The following CUL1 variants were observed in gnomAD, a reference collection of about 807,000 sequenced individuals.
CUL1 encodes cullin 1.
A neutral mutation model predicts 118.0 loss-of-function variants in CUL1; 24 were observed. That is an observed-to-expected ratio of 0.20 (90% CI 0.15 to 0.29). The LOEUF is 0.29. Ranked by LOEUF, CUL1 falls within the 10% of genes least tolerant of loss-of-function variation. The pLI, the probability that CUL1 is intolerant of heterozygous loss-of-function variation, is 1.00. For synonymous variants in CUL1, 332 were observed against 340.4 expected (o/e 0.98, Z 0.27); for missense variants, 361 against 933.8 (o/e 0.39, Z 7.99).
chr7:148,713,400 C>G (rs765006016), intron 1 of CUL1, among the ~76,000 whole-genome samples: 1 of 152,138 alleles, frequency 6.6e-6, no homozygotes, highest in African/African-American at 2.4e-5. Flanking sequence ...CAATTTATAC[C>G]AGTGACGCTT....
intron 9 of CUL1, among the ~76,000 whole-genome samples, chr7:148,772,691 C>T (rs1321956960): frequency 6.6e-6 from 1 of 152,182 alleles, no homozygotes; most frequent in Non-Finnish European, 1.5e-5. Flanking sequence ...TAGTTTAGTG[C>T]CTACATTGCA....
chr7:148,748,801 T>C (rs1425947552), intron 2 of CUL1, among the ~76,000 whole-genome samples: 1 of 152,220 alleles, frequency 6.6e-6, no homozygotes, highest in Non-Finnish European at 1.5e-5. Flanking sequence ...AAAGATAACA[T>C]TCTCATGTTT....
intron 17 of CUL1, among the ~76,000 whole-genome samples, chr7:148,793,743 T>C (rs1001265064): frequency 6.6e-6 from 1 of 152,270 alleles, no homozygotes; most frequent in African/African-American, 2.4e-5. Context: ...TGTGAATACA[T>C]GTTTTCAATT....
At chr7:148,734,562 A>C (rs1254797670) in intron 2 of CUL1, among the ~76,000 whole-genome samples, 1 of 152,220 alleles carries the variant, frequency 6.6e-6, no homozygotes, top group Non-Finnish European at 1.5e-5. Flanking sequence ...TTGTGCAATA[A>C]AATACATAGA....
chr7:148,741,036 A>G (rs986168675), intron 2 of CUL1, among the ~76,000 whole-genome samples: 6 of 152,208 alleles, frequency 3.9e-5, no homozygotes, highest in African/African-American at 1.4e-4. Context: ...GCTTTCTTCC[A>G]TTTAGTATAA....
intron 1 of CUL1, among the ~76,000 whole-genome samples, chr7:148,719,536 G>A (rs925250696): frequency 1.1e-4 from 16 of 152,134 alleles, no homozygotes; most frequent in Admixed American, 7.2e-4. Context: ...AATCCTTCTT[G>A]GTAGATGTCC....
At chr7:148,712,499 G>A (rs894648852) in intron 1 of CUL1, among the ~76,000 whole-genome samples, 2 of 152,184 alleles carry the variant, frequency 1.3e-5, no homozygotes, top group African/African-American at 4.8e-5. Context: ...GTATTGTGGA[G>A]TTTTCAGGTA....
At chr7:148,798,977 G>A (rs992151756) in intron 20 of CUL1, among the ~76,000 whole-genome samples, 6 of 152,138 alleles carry the variant, frequency 3.9e-5, no homozygotes, top group East Asian at 1.9e-4. Context: ...GGCAGCTTCC[G>A]TGGCCTTGAA....
chr7:148,710,234 T>G lies in CUL1; in HGVS notation c.-162+11205T>G, dbSNP rs183041559. On this transcript the variant is annotated intron_variant, in intron 1 of 21. Coordinates refer to ENST00000325222, the MANE Select transcript of CUL1 (RefSeq NM_003592.3). ...CATGAGGGAAATTGACTAGAAAATT[T>G]TGTAACTACAAAGAAAGGTGCATCT... is the stretch of plus-strand genomic sequence containing the variant. 1.8e-3 allele frequency among the ~76,000 whole-genome samples: 275 copies of G among 152,250 alleles called. 1 individual carries two copies. The highest frequency in any genetic ancestry group is 3.4e-3 in the Middle Eastern group (1 of 294).
At chr7:148,723,773 A>G (rs1798472892) in intron 1 of CUL1, among the ~76,000 whole-genome samples, 1 of 149,534 alleles carries the variant, frequency 6.7e-6, no homozygotes, top group African/African-American at 2.4e-5. Context: ...AGAAGTCAGT[A>G]GGGGTCAGCA....
intron 17 of CUL1, among the ~76,000 whole-genome samples, chr7:148,796,553 T>C (rs902259229): frequency 6.6e-6 from 1 of 152,208 alleles, no homozygotes; most frequent in Non-Finnish European, 1.5e-5. Flanking sequence ...CAGATTCTAA[T>C]AACAAAATGA....
intron 17 of CUL1, among the ~76,000 whole-genome samples, chr7:148,796,952 T>C (rs3807449): frequency 0.16 from 24,602 of 152,156 alleles, 2,101 homozygotes; most frequent in East Asian, 0.24. Flanking sequence ...GTACCCATTA[T>C]GACGACAGGA....
intron 9 of CUL1, among the ~76,000 whole-genome samples, chr7:148,769,157 G>C (rs1204250345): frequency 2.6e-5 from 4 of 151,974 alleles, no homozygotes; most frequent in Non-Finnish European, 5.9e-5. Context: ...TTCTGTCTCT[G>C]TCATTTTATT....
Position 148,783,778 on chromosome 7 carries a change from T to A in CUL1, c.1084-5T>A. On this transcript the variant is annotated splice_polypyrimidine_tract_variant and splice_region_variant and intron_variant, in intron 9 of 21. Transcript: ENST00000325222. Reference sequence around the variant, plus strand: ...CTTTTGTTTCTATTTCTGCCCCCATTTAAGGACCCCAAAATGTATGTACAG... The same window carrying A: ...CTTTTGTTTCTATTTCTGCCCCCATATAAGGACCCCAAAATGTATGTACAG... 2.5e-6 allele frequency: 4 copies of A among 1,613,896 alleles called. No homozygotes were observed. The highest frequency in any genetic ancestry group is 3.4e-6 in the Non-Finnish European group (4 of 1,179,802).
At chr7:148,783,195 T>G in intron 9 of CUL1, 2 of 274,328 alleles carry the variant, frequency 7.3e-6, no homozygotes, top group Non-Finnish European at 1.1e-5. Context: ...TGCATTTCCA[T>G]GTTGTTCCTT....
At chr7:148,702,899 C>T (rs1167432097) in intron 1 of CUL1, among the ~76,000 whole-genome samples, 1 of 152,228 alleles carries the variant, frequency 6.6e-6, no homozygotes, top group Non-Finnish European at 1.5e-5. Flanking sequence ...GCCTAGCATA[C>T]TGCATGCATC....
chr7:148,765,401 A>G (rs6979041), intron 7 of CUL1, among the ~76,000 whole-genome samples: 29,867 of 152,092 alleles, frequency 0.2, 3,325 homozygotes, highest in African/African-American at 0.29. Context: ...AAGCCGAGGC[A>G]GGAGAATTGC....
chr7:148,710,722 G>C (rs1273550338), intron 1 of CUL1, among the ~76,000 whole-genome samples: 1 of 151,268 alleles, frequency 6.6e-6, no homozygotes, highest in African/African-American at 2.4e-5. Context: ...GCAATGGCAC[G>C]ATCTCAGCTC....
chr7:148,736,873 C>G (rs1177144496), intron 2 of CUL1, among the ~76,000 whole-genome samples: 1 of 152,220 alleles, frequency 6.6e-6, no homozygotes, highest in Non-Finnish European at 1.5e-5. Context: ...TGTGAACCAT[C>G]AGCACATGCT....
Sources: gnomAD v4.1 joint callset for allele counts (sites outside exome capture counted in the v4.1 genomes callset) on GRCh38, gnomAD v4.1.1 for gene constraint, MANE v1.5 for transcripts, NCBI Gene and HGNC (gene_info 2026-07-23, HGNC 2026-07-21) for gene names.